The following DDX4 variants were observed in gnomAD, a reference collection of about 807,000 sequenced individuals.
DDX4 encodes probable ATP-dependent RNA helicase DDX4.
DDX4 carries 25 observed loss-of-function variants against 100.0 expected under a neutral mutation model. The observed-to-expected ratio is 0.25, with a 90% CI of 0.18 to 0.35. The LOEUF is 0.35. Ranked by LOEUF, DDX4 falls within the 10% of genes least tolerant of loss-of-function variation. The probability of loss-of-function intolerance (pLI) is 1.00; values close to 1 mark genes in which losing one functional copy is unlikely to be tolerated. For missense variants in DDX4, 635 were observed against 882.4 expected (o/e 0.72, Z 3.55); for synonymous variants, 259 against 275.7 (o/e 0.94, Z 0.60).
At chr5:55,804,923 A>G (rs1302401884) in intron 18 of DDX4, among the ~76,000 whole-genome samples, 5 of 151,482 alleles carry the variant, frequency 3.3e-5, no homozygotes, top group African/African-American at 1.2e-4. Context: ...CAGTATGGCC[A>G]TTTTCACGAT....
intron 18 of DDX4, among the ~76,000 whole-genome samples, chr5:55,809,210 C>T (rs985774572): frequency 3.9e-5 from 6 of 152,238 alleles, no homozygotes; most frequent in Non-Finnish European, 5.9e-5. Flanking sequence ...CAGGTGCCGT[C>T]TGTCACCCCT....
chr5:55,800,791 T>G (rs1472710059), intron 18 of DDX4, among the ~76,000 whole-genome samples: 1 of 152,238 alleles, frequency 6.6e-6, no homozygotes, highest in African/African-American at 2.4e-5. Context: ...ATATTTTTTT[T>G]GGTTTAGTGT....
chr5:55,805,785 C>CT lies in DDX4; in HGVS notation c.1615+7221dup, dbSNP rs1350025325. On this transcript the variant is annotated intron_variant, in intron 18 of 21. Transcript: ENST00000505374. ...ATCAGGGATATTGGTCTAAAATTCT[C>CT]TTTTTTTGTTGTATCTCTGCCCGGC... Among the ~76,000 whole-genome samples, 9 of 152,218 alleles carry CT rather than the reference C, an allele frequency of 5.9e-5. No individual in the cohort carries two copies. In the East Asian group the frequency reaches 1.2e-3, roughly 20 times the overall value.
intron 6 of DDX4, among the ~76,000 whole-genome samples, chr5:55,767,549 C>A (rs1740998969): frequency 6.6e-6 from 1 of 152,158 alleles, no homozygotes; most frequent in African/African-American, 2.4e-5. Context: ...CTTAGATGTT[C>A]CTGAAATCAT....
chr5:55,768,332 T>A (rs984525730), intron 7 of DDX4, among the ~76,000 whole-genome samples: 2 of 152,214 alleles, frequency 1.3e-5, no homozygotes, highest in Admixed American at 1.3e-4. Flanking sequence ...CTTCTTTGTG[T>A]CCATGTGTTC....
At position 55,807,619 on chromosome 5, in the gene DDX4, ATTCTT is replaced by A. The variant is rs1743821737; in HGVS notation, c.1616-6047_1616-6043del. ...CTGGATATGAAATTCTGGGTTGCAG[ATTCTT>A]TTCTTTAAGAATGTTGAATATTGGC... is the stretch of plus-strand genomic sequence containing the variant. On this transcript the variant is annotated intron_variant, in intron 18 of 21. Coordinates refer to ENST00000505374, the MANE Select transcript of DDX4 (RefSeq NM_024415.3). Among the ~76,000 whole-genome samples, 10 of 152,292 alleles carry A rather than the reference ATTCTT, an allele frequency of 6.6e-5. No individual in the cohort carries two copies. In the South Asian group the frequency reaches 2.1e-3, roughly 32 times the overall value.
intron 3 of DDX4, among the ~76,000 whole-genome samples, chr5:55,746,592 A>G (rs934218196): frequency 6.6e-6 from 1 of 152,210 alleles, no homozygotes; most frequent in Admixed American, 6.5e-5. Flanking sequence ...CAGGATAATA[A>G]CTGTTTAAGC....
intron 7 of DDX4, among the ~76,000 whole-genome samples, chr5:55,774,730 A>G (rs1243627166): frequency 6.6e-6 from 1 of 152,132 alleles, no homozygotes; most frequent in Non-Finnish European, 1.5e-5. Flanking sequence ...TCTTTTGCAT[A>G]TGGATACCCA....
Position 55,780,030 on chromosome 5 carries a change from G to T in DDX4, c.461G>T (p.Arg154Leu). 1 of 1,614,002 alleles carries T rather than the reference G, an allele frequency of 6.2e-7. No individual in the cohort carries two copies. Among genetic ancestry groups the T allele is most frequent in the African/African-American group, 1.3e-5 (1 of 75,032 alleles). ...AGAAGAGGTGGAAGAGGTAGTTTCC[G>T]AGGTTGCCGTGGAGGATTTGGTCTA... Reference protein sequence around the residue: ...PYRRGGRGSFRGCRGGFGLGS... With the variant: ...PYRRGGRGSFLGCRGGFGLGS... The change falls in exon 8 of 22, where the codon CGA (arginine) becomes CTA (leucine). Residue 154 changes from arginine (R) to leucine (L), a missense_variant. By Grantham distance (102) the Arg-to-Leu change is moderately radical. Around this residue, in one of 4 missense-constraint regions of DDX4, gnomAD observed 446 missense variants for 540.8 expected, o/e 0.82. Coordinates refer to ENST00000505374, the MANE Select transcript of DDX4 (RefSeq NM_024415.3).
At chr5:55,738,545 C>T (rs1758817760) in intron 1 of DDX4, among the ~76,000 whole-genome samples, 1 of 152,126 alleles carries the variant, frequency 6.6e-6, no homozygotes, top group African/African-American at 2.4e-5. Flanking sequence ...AGCAAACATC[C>T]TATCCACCTT....
At chr5:55,756,205 C>G (rs1330396413) in intron 3 of DDX4, among the ~76,000 whole-genome samples, 1 of 152,062 alleles carries the variant, frequency 6.6e-6, no homozygotes, top group Non-Finnish European at 1.5e-5. Context: ...AAAATCTTCT[C>G]TGAATGTGAT....
chr5:55,765,080 T>C (rs992257979), intron 6 of DDX4, among the ~76,000 whole-genome samples: 2 of 152,150 alleles, frequency 1.3e-5, no homozygotes, highest in African/African-American at 4.8e-5. Flanking sequence ...TCTCTTTTTT[T>C]CTCCTATCCC....
At chr5:55,788,825 G>A (rs142587790) in intron 15 of DDX4, among the ~76,000 whole-genome samples, 2 of 151,960 alleles carry the variant, frequency 1.3e-5, no homozygotes, top group African/African-American at 4.8e-5. Flanking sequence ...TAGCACTTTG[G>A]GAGGCCAAGA....
intron 18 of DDX4, among the ~76,000 whole-genome samples, chr5:55,804,598 G>C (rs1342701015): frequency 6.6e-6 from 1 of 152,082 alleles, no homozygotes; most frequent in Admixed American, 6.6e-5. Context: ...CCCATTGCTT[G>C]TTTTTCTCAG....
intron 18 of DDX4, among the ~76,000 whole-genome samples, chr5:55,802,464 T>A (rs983781540): frequency 3.3e-5 from 5 of 152,176 alleles, no homozygotes; most frequent in African/African-American, 1.2e-4. Context: ...CTCCATAAGC[T>A]CATTCAGTCC....
intron 21 of DDX4, among the ~76,000 whole-genome samples, chr5:55,815,937 G>GTTTTTTTT (rs369016313): frequency 3.7e-4 from 40 of 109,168 alleles, no homozygotes; most frequent in Non-Finnish European, 4.5e-4. Flanking sequence ...ATCTTAGCTG[G>GTTTTTTTT]TTTTTTTTTT....
At chr5:55,767,020 C>T in intron 6 of DDX4, 5 of 1,493,804 alleles carry the variant, frequency 3.3e-6, no homozygotes, top group Non-Finnish European at 4.4e-6. Flanking sequence ...TATTTTAAAA[C>T]TCTGGGAATG....
intron 7 of DDX4, chr5:55,773,234 C>T (rs1477680294): frequency 6.6e-6 from 1 of 152,232 alleles, no homozygotes; most frequent in East Asian, 1.9e-4. Flanking sequence ...TATAAGAACA[C>T]TAATTCCATT....
rs919896861 is a variant in DDX4, at chr5:55,815,168, A to C, written c.1983A>C (p.Thr661=). 2 of 1,613,008 alleles carry C rather than the reference A, an allele frequency of 1.2e-6. No individual in the cohort carries two copies. The highest frequency in any genetic ancestry group is 1.7e-6 in the Non-Finnish European group (2 of 1,179,456). The change falls in exon 20 of 22, where the codon ACA becomes ACC. Residue 661 remains threonine, a synonymous_variant. Transcript: ENST00000505374. ...CACAGCCTCTAGTAAAAGTATTGACAGATGTAAGTTAAACTTTTATGATGG... is the reference window on the plus strand; with the variant it reads ...CACAGCCTCTAGTAAAAGTATTGACCGATGTAAGTTAAACTTTTATGATGG... ...HLAQPLVKVL[T]DAQQDVPAWL...
Sources: allele counts gnomAD v4.1 joint callset (sites outside exome capture counted in the v4.1 genomes callset), GRCh38; gene constraint gnomAD v4.1.1; regional missense constraint gnomAD v4.1.1; transcripts MANE v1.5; gene names NCBI Gene and HGNC (gene_info 2026-07-23, HGNC 2026-07-21).